Variants in PRKAR1B observed in about 807,000 individuals in gnomAD.
PRKAR1B encodes the protein cAMP-dependent protein kinase type I-beta regulatory subunit.
A neutral mutation model predicts 46.5 loss-of-function variants in PRKAR1B; 22 were observed. The ratio of observed to expected loss-of-function variants is 0.47; its 90% CI spans 0.34 to 0.68. The LOEUF is 0.68. PRKAR1B is among the 30% of genes least tolerant of loss of function. PRKAR1B has a pLI of 0.01. For missense variants in PRKAR1B, 445 were observed against 535.6 expected (o/e 0.83, Z 1.67); for synonymous variants, 259 against 217.7 (o/e 1.19, Z -1.67).
intron 4 of PRKAR1B, among the ~76,000 whole-genome samples, chr7:676,961 G>A (rs1454820415): frequency 6.7e-6 from 1 of 149,056 alleles, no homozygotes; most frequent in Non-Finnish European, 1.5e-5. Context: ...CAAGGAGGGT[G>A]GTGGTGACTC....
intron 1 of PRKAR1B, among the ~76,000 whole-genome samples, chr7:713,811 T>C (rs1196406993): frequency 1.3e-5 from 2 of 152,230 alleles, no homozygotes; most frequent in Non-Finnish European, 2.9e-5. Flanking sequence ...AGCCTCTTCC[T>C]GCCAGGGTGA....
intron 4 of PRKAR1B, among the ~76,000 whole-genome samples, chr7:668,159 C>T (rs576180519): frequency 6.6e-6 from 1 of 152,274 alleles, no homozygotes; most frequent in Non-Finnish European, 1.5e-5. Flanking sequence ...GATTCTCTGC[C>T]GCACTCTTCC....
chr7:562,021 C>G (rs1319727450), intron 9 of PRKAR1B: 3 of 152,572 alleles, frequency 2.0e-5, no homozygotes, highest in Non-Finnish European at 2.9e-5. Flanking sequence ...GTGGGTGCTC[C>G]CGGCGCGGCC....
chr7:718,032 C>A (rs955793366), intron 1 of PRKAR1B, among the ~76,000 whole-genome samples: 1 of 152,056 alleles, frequency 6.6e-6, no homozygotes, highest in Non-Finnish European at 1.5e-5. Flanking sequence ...TGTAAGAGGA[C>A]CCCGTGGCCA....
At position 667,222 on chromosome 7, in the gene PRKAR1B, CTATGATGGTGATGAT is replaced by C. The variant is rs1785983529; in HGVS notation, c.440+9992_440+10006del. Among the ~76,000 whole-genome samples the C allele has an allele frequency of 6.6e-6, 1 of 151,912 alleles. No individual in the cohort carries two copies. Among genetic ancestry groups the C allele is most frequent in the Non-Finnish European group, 1.5e-5 (1 of 67,970 alleles). ...ATGGTGATGATGGTAATGGTGATGA[CTATGATGGTGATGAT>C]AATGATGGTGGTGATAACAGTACAC... On this transcript the variant is annotated intron_variant, in intron 4 of 10. Coordinates refer to ENST00000537384, the MANE Select transcript of PRKAR1B (RefSeq NM_001164760.2). The surrounding 1 kb of genome is among the most constrained non-coding windows in gnomAD (Gnocchi z 4.3).
intron 1 of PRKAR1B, among the ~76,000 whole-genome samples, chr7:722,686 T>C (rs1781117176): frequency 6.6e-6 from 1 of 152,278 alleles, no homozygotes; most frequent in South Asian, 2.1e-4. Flanking sequence ...CTTATGACTC[T>C]GCTTTAAAAT....
intron 9 of PRKAR1B, among the ~76,000 whole-genome samples, chr7:567,566 C>T (rs1195400444): frequency 6.6e-6 from 1 of 151,274 alleles, no homozygotes; most frequent in Admixed American, 6.6e-5. Context: ...TCACCTTCAT[C>T]ACCATCACCG....
chr7:551,560 C>G, intron 9 of PRKAR1B, 90 bp from the exon 10 acceptor site: 3 of 1,285,744 alleles, frequency 2.3e-6, no homozygotes, highest in Non-Finnish European at 3.3e-6. Flanking sequence ...GGGTCACCAC[C>G]CAAACCCCCA....
chr7:682,881 A>G (rs1183043502), intron 2 of PRKAR1B, among the ~76,000 whole-genome samples: 2 of 152,128 alleles, frequency 1.3e-5, no homozygotes, highest in Non-Finnish European at 2.9e-5. Flanking sequence ...TTCAGCCTCG[A>G]GGTGGGTGCG....
chr7:671,197 G>A (rs975228148), intron 4 of PRKAR1B, among the ~76,000 whole-genome samples: 4 of 151,298 alleles, frequency 2.6e-5, no homozygotes, highest in African/African-American at 7.3e-5. Context: ...TGCCTTCATC[G>A]AGCTCCGCAG....
Position 551,439 on chromosome 7 carries a change from G to A in PRKAR1B, c.923C>T (p.Pro308Leu). 6.4e-7 allele frequency: 1 copy of A among 1,559,782 alleles called. No individual in the cohort carries two copies. Among genetic ancestry groups the A allele is most frequent in the Admixed American group, 1.9e-5 (1 of 51,578 alleles). ...CCCCACCTCCACGTACTCCTCATTGGGGGACCGGCGCTGCAGCACGGACGC... is the reference window on the plus strand; with the variant it reads ...CCCCACCTCCACGTACTCCTCATTGAGGGACCGGCGCTGCAGCACGGACGC... ...GTASVLQRRS[P>L]NEEYVEVGRL... is the part of the protein sequence containing the mutation. Residue 308 changes from proline to leucine, a missense_variant, in exon 10 of 11, where the codon CCC becomes CTC. By Grantham distance (98) the Pro-to-Leu change is moderately conservative. Around this residue, in one of 5 missense-constraint regions of PRKAR1B, gnomAD observed 127 missense variants for 138.0 expected, o/e 0.92. Coordinates refer to ENST00000537384, the MANE Select transcript of PRKAR1B (RefSeq NM_001164760.2).
chr7:701,284 GAGAAAGAAAGAAAGAAAAAGAA>G (rs373941754), intron 2 of PRKAR1B, among the ~76,000 whole-genome samples: 6,281 of 147,334 alleles, frequency 0.043, 404 homozygotes, highest in African/African-American at 0.14. Context: ...AAGAAAGAAA[GAGAAAGAAAGAAAGAAAAAGAA>G]AGAAAGAAAG....
intron 9 of PRKAR1B, among the ~76,000 whole-genome samples, chr7:566,734 C>CTA: frequency 2.7e-5 from 1 of 37,642 alleles, no homozygotes; most frequent in Non-Finnish European, 5.0e-5. Context: ...TCATCATCAT[C>CTA]ATCACCATCA....
chr7:664,134 CCT>C (rs1785773204), intron 4 of PRKAR1B, among the ~76,000 whole-genome samples: 1 of 152,152 alleles, frequency 6.6e-6, no homozygotes, highest in Non-Finnish European at 1.5e-5. Context: ...CTTCGCCTGG[CCT>C]CTCTCCACAG....
At chr7:711,733 G>A (rs1007707686) in intron 1 of PRKAR1B, among the ~76,000 whole-genome samples, 8 of 152,300 alleles carry the variant, frequency 5.3e-5, no homozygotes, top group Middle Eastern at 3.4e-3. Context: ...ACAGACCCCC[G>A]GCAGGGGTGG....
intron 6 of PRKAR1B, among the ~76,000 whole-genome samples, chr7:599,903 C>A: frequency 6.9e-6 from 1 of 145,962 alleles, no homozygotes; most frequent in South Asian, 2.2e-4. Flanking sequence ...CACTCGCTCA[C>A]CCTCTGTGTT....
chr7:663,217 G>T (rs1259252133), intron 4 of PRKAR1B, among the ~76,000 whole-genome samples: 1 of 152,110 alleles, frequency 6.6e-6, no homozygotes, highest in Non-Finnish European at 1.5e-5. Context: ...TTATTGATGT[G>T]TGTTTATTTT....
chr7:641,847 TTTTA>T (rs1309398904), intron 4 of PRKAR1B, among the ~76,000 whole-genome samples: 66 of 152,302 alleles, frequency 4.3e-4, no homozygotes, highest in Non-Finnish European at 1.5e-4. Flanking sequence ...TATCACTATT[TTTTA>T]TTTATTTTTA....
chr7:609,083 T>TG (rs1480603989), intron 4 of PRKAR1B, among the ~76,000 whole-genome samples: 1 of 128,886 alleles, frequency 7.8e-6, no homozygotes, highest in Non-Finnish European at 1.8e-5. Flanking sequence ...TAGGGAGAGC[T>TG]GGGGGCCCTC....
Sources: allele counts gnomAD v4.1 joint callset (sites outside exome capture counted in the v4.1 genomes callset), GRCh38; gene constraint gnomAD v4.1.1; regional missense constraint gnomAD v4.1.1; non-coding constraint Gnocchi (gnomAD v3.1); transcripts MANE v1.5; gene names NCBI Gene and HGNC (gene_info 2026-07-23, HGNC 2026-07-21).